Variants in KDM5B observed in about 807,000 individuals in gnomAD.
KDM5B encodes lysine demethylase 5B.
In KDM5B, 144 loss-of-function variants were observed where a neutral mutation model predicts 193.4. That is an observed-to-expected ratio of 0.74 (90% CI 0.65 to 0.86). The LOEUF (loss-of-function observed/expected upper bound fraction) is 0.86, where lower values mean the gene tolerates loss of function less well. Among genes scored for constraint, KDM5B ranks in the 40% least tolerant of loss-of-function variants. The probability of loss-of-function intolerance (pLI) is 0.00; values close to 1 mark genes in which losing one functional copy is unlikely to be tolerated. For missense variants in KDM5B, 1,833 were observed against 1,886.9 expected (o/e 0.97, Z 0.53); for synonymous variants, 668 against 682.6 (o/e 0.98, Z 0.33).
At position 202,736,342 on chromosome 1, in the gene KDM5B, T is replaced by C; in HGVS notation, c.3135A>G (p.Arg1045=). ...VLDTLIELVT[R]GRSIPVHLNS... ...TCAGATGTACGGGGATAGATCGGCC[T>C]CGTGTAACAAGTTCTATGAGTGTGT... Residue 1045 remains arginine, a synonymous_variant, in exon 21 of 27, where the codon CGA becomes CGG. Transcript: ENST00000367265. The C allele has an allele frequency of 2.5e-6, 4 of 1,612,038 alleles. No homozygotes were observed. The highest frequency in any genetic ancestry group is 3.4e-6 in the Non-Finnish European group (4 of 1,179,022).
At chr1:202,802,342 A>AT (rs879545149) in intron 1 of KDM5B, among the ~76,000 whole-genome samples, 1 of 151,856 alleles carries the variant, frequency 6.6e-6, no homozygotes, top group Non-Finnish European at 1.5e-5. Flanking sequence ...AACAGGGTTC[A>AT]TTTTTTTTAA....
rs911742382 is a variant in KDM5B at position 202,756,386 on chromosome 1, C to T, written c.1328G>A (p.Gly443Glu). 20 of 1,611,296 alleles carry T rather than the reference C, an allele frequency of 1.2e-5. No individual in the cohort carries two copies. The highest frequency in any genetic ancestry group is 1.7e-5 in the Non-Finnish European group (20 of 1,178,886). ...TTCCTCAGGTGAGAGTTTGATTTTC[C>T]CATCTCGGACAGGAAAGCCACTGCC... Reference protein sequence around the residue: ...EFGSGFPVRDGKIKLSPEEEE... With the variant: ...EFGSGFPVRDEKIKLSPEEEE... Residue 443 changes from glycine (G) to glutamate (E), a missense_variant, in exon 10 of 27, where the codon GGG becomes GAG. By Grantham distance (98) the Gly-to-Glu change is moderately conservative (BLOSUM62 -2). This residue lies in a region of KDM5B where 1,379 missense variants were observed against 1,349.6 expected (regional missense o/e 1.02). Coordinates refer to ENST00000367265, the MANE Select transcript of KDM5B (RefSeq NM_006618.5).
chr1:202,749,562 T>C lies in KDM5B; in HGVS notation c.1822-423A>G, dbSNP rs552140475. ...ACAGAGCGAGACTGTCTCGAAAAAATTTAAAAAACAAACAAAACACCAGAC... is the reference window on the plus strand; with the variant it reads ...ACAGAGCGAGACTGTCTCGAAAAAACTTAAAAAACAAACAAAACACCAGAC... On this transcript the variant is annotated intron_variant, in intron 13 of 26. Coordinates refer to ENST00000367265, the MANE Select transcript of KDM5B (RefSeq NM_006618.5). Among the ~76,000 whole-genome samples the C allele has an allele frequency of 2.3e-4, 35 of 150,796 alleles. 1 individual carries two copies. The highest frequency in any genetic ancestry group is 6.1e-4 in the African/African-American group (25 of 41,152).
chr1:202,801,247 C>T (rs1304213524), intron 1 of KDM5B, among the ~76,000 whole-genome samples: 3 of 132,926 alleles, frequency 2.3e-5, no homozygotes, highest in Non-Finnish European at 3.3e-5. Flanking sequence ...TTTTTATATC[C>T]GAAAGAAAGC....
At chr1:202,799,737 C>T (rs1320120106) in intron 1 of KDM5B, among the ~76,000 whole-genome samples, 2 of 151,724 alleles carry the variant, frequency 1.3e-5, no homozygotes, top group South Asian at 4.2e-4. Context: ...CCTTGATAAA[C>T]CTCTTTTTTA....
rs1654622223 is a variant in KDM5B at position 202,724,855 on chromosome 1, G to A, written c.*4181C>T. 1.3e-5 allele frequency: 2 copies of A among 152,310 alleles called. No individual in the cohort carries two copies. The highest frequency in any genetic ancestry group is 4.1e-4 in the South Asian group (2 of 4,826). 9.4% of individuals were successfully genotyped at this position (152,310 alleles called of 1,614,324 possible). A position where few individuals can be genotyped will look rare whatever the true frequency, so the allele number is the denominator to read the frequency against. On this transcript the variant is annotated 3_prime_UTR_variant, in exon 27 of 27. Coordinates refer to ENST00000367265, the MANE Select transcript of KDM5B (RefSeq NM_006618.5). ...GCACTCTTCTCCAACTTCTAGCTAGGTAAGTTTGCCAGGAGCTAAAAGTTT... is the reference window on the plus strand; with the variant it reads ...GCACTCTTCTCCAACTTCTAGCTAGATAAGTTTGCCAGGAGCTAAAAGTTT...
chr1:202,792,776 A>T (rs1319602148), intron 1 of KDM5B, among the ~76,000 whole-genome samples: 1 of 152,118 alleles, frequency 6.6e-6, no homozygotes, highest in Non-Finnish European at 1.5e-5. Context: ...TGGGTGGATC[A>T]CGAGGTCAGG....
chr1:202,737,145 T>C (rs1159216227), intron 20 of KDM5B, among the ~76,000 whole-genome samples: 2 of 152,166 alleles, frequency 1.3e-5, no homozygotes, highest in Admixed American at 6.5e-5. Context: ...AACAAAACAA[T>C]ATTTTACCCC....
chr1:202,790,810 C>G (rs542475207), intron 1 of KDM5B, among the ~76,000 whole-genome samples: 149 of 152,206 alleles, frequency 9.8e-4, no homozygotes, highest in African/African-American at 3.5e-3. Context: ...TTCCACATAG[C>G]ATTCAAGGCA....
In KDM5B at chr1:202,756,420, T is replaced by A; in HGVS notation, c.1294A>T (p.Lys432Ter). The part of the protein sequence containing the change: ...TVEYGADIAS[K>*]EFGSGFPVRD... ...ACAGGAAAGCCACTGCCAAATTCCT[T>A]TGAGGCAATGTCAGCTCCATATTCC... The change falls in exon 10 of 27, where the codon AAG (lysine) becomes TAG (stop). Residue 432 changes from lysine to a stop codon, truncating the protein, a stop_gained. Transcript: ENST00000367265. LOFTEE classifies it high-confidence loss of function. 6.2e-7 allele frequency: 1 copy of A among 1,613,840 alleles called. No homozygotes were observed. The highest frequency in any genetic ancestry group is 8.5e-7 in the Non-Finnish European group (1 of 1,179,836).
chr1:202,741,900 A>C (rs1448523740), intron 18 of KDM5B, among the ~76,000 whole-genome samples, 178 bp from the exon 19 acceptor site: 1 of 151,976 alleles, frequency 6.6e-6, no homozygotes, highest in Non-Finnish European at 1.5e-5. Context: ...TATAACAGAC[A>C]CCTTATCCCA....
At chr1:202,765,467 G>A (rs1443714575) in intron 5 of KDM5B, among the ~76,000 whole-genome samples, 1 of 152,108 alleles carries the variant, frequency 6.6e-6, no homozygotes, top group African/African-American at 2.4e-5. Context: ...TATTCCATGG[G>A]CAATATCATT....
intron 14 of KDM5B, 103 bp downstream of exon 14, chr1:202,748,842 A>C: frequency 1.1e-6 from 1 of 948,988 alleles, no homozygotes; most frequent in African/African-American, 1.6e-5. Context: ...GCCTCAAAGA[A>C]AATAGGCTTT....
At chr1:202,738,815 AATC>A (rs1419056430) in intron 20 of KDM5B, among the ~76,000 whole-genome samples, 1 of 152,202 alleles carries the variant, frequency 6.6e-6, no homozygotes, top group Non-Finnish European at 1.5e-5. Flanking sequence ...AAACTGGGAA[AATC>A]ATATTAAAGA....
rs1168322716 is a variant in KDM5B, at chr1:202,725,778, T to C, written c.*3258A>G. On this transcript the variant is annotated 3_prime_UTR_variant, in exon 27 of 27. Transcript: ENST00000367265. ...AATGCTTTACAATGGGCAATGACTC[T>C]TAAAATCCTTGTTGTCCAATTCTGT... 1.3e-5 allele frequency: 2 copies of C among 152,386 alleles called. No homozygotes were observed. Among genetic ancestry groups the C allele is most frequent in the Non-Finnish European group, 2.9e-5 (2 of 68,054 alleles). 9.4% of individuals were successfully genotyped at this position (152,386 alleles called of 1,614,324 possible). A position where few individuals can be genotyped will look rare whatever the true frequency, so the allele number is the denominator to read the frequency against.
chr1:202,739,886 A>G (rs1203872530), intron 20 of KDM5B, among the ~76,000 whole-genome samples: 1 of 152,174 alleles, frequency 6.6e-6, no homozygotes, highest in East Asian at 1.9e-4. Context: ...TTCTACACAG[A>G]CACGGCAACC....
At chr1:202,776,885 T>C (rs1460360667) in intron 2 of KDM5B, 132 bp downstream of exon 2, 5 of 693,612 alleles carry the variant, frequency 7.2e-6, no homozygotes, top group African/African-American at 5.4e-5. Flanking sequence ...AAAGAAATGT[T>C]CTTATTTGCT....
At position 202,758,382 on chromosome 1, in the gene KDM5B, T is replaced by C. The variant is rs776440401; in HGVS notation, c.1197+9A>G. ...AAATCCTAAATCAAAGCAGTATATA[T>C]GTACATACATGGACTGGCATGTTGA... On this transcript the variant is annotated intron_variant, in intron 9 of 26. Coordinates refer to ENST00000367265, the MANE Select transcript of KDM5B (RefSeq NM_006618.5). 2.5e-6 allele frequency: 4 copies of C among 1,603,760 alleles called. No individual in the cohort carries two copies. The highest frequency in any genetic ancestry group is 3.4e-5 in the Admixed American group (2 of 59,628).
At position 202,808,169 on chromosome 1, in the gene KDM5B, A is replaced by C. The variant is rs1156502509; in HGVS notation, c.137T>G (p.Phe46Cys). The C allele has an allele frequency of 6.2e-7, 1 of 1,612,982 alleles. No individual in the cohort carries two copies. The highest frequency in any genetic ancestry group is 1.3e-5 in the African/African-American group (1 of 74,834). ...EPSWEEFADP[F>C]AFIHKIRPIA... is the part of the protein sequence containing the mutation. ...GGGCCGGATCTTGTGGATGAAAGCG[A>C]AGGGGTCCGCGAACTCTTCCCAGCT... The change falls in exon 1 of 27, where the codon TTC becomes TGC. Residue 46 changes from phenylalanine to cysteine, a missense_variant. By Grantham distance (205) the Phe-to-Cys change is radical. This residue lies in a region of KDM5B where 355 missense variants were observed against 374.9 expected (regional missense o/e 0.95). Coordinates refer to ENST00000367265, the MANE Select transcript of KDM5B (RefSeq NM_006618.5).
Sources: gnomAD v4.1 joint callset for allele counts (sites outside exome capture counted in the v4.1 genomes callset) on GRCh38, gnomAD v4.1.1 for gene constraint, gnomAD v4.1.1 regional missense constraint, MANE v1.5 for transcripts, NCBI Gene and HGNC (gene_info 2026-07-23, HGNC 2026-07-21) for gene names.